The following BAZ2B variants were observed in gnomAD, a reference collection of about 807,000 sequenced individuals.
BAZ2B encodes the protein bromodomain adjacent to zinc finger domain protein 2B.
A neutral mutation model predicts 246.0 loss-of-function variants in BAZ2B; 91 were observed. The ratio of observed to expected loss-of-function variants is 0.37; its 90% CI spans 0.31 to 0.44. The LOEUF (loss-of-function observed/expected upper bound fraction) is 0.44. Ranked by LOEUF, BAZ2B falls within the 20% of genes least tolerant of loss-of-function variation. The pLI is 1.00. For missense variants in BAZ2B, 2,332 were observed against 2,533.7 expected (o/e 0.92, Z 1.71); for synonymous variants, 855 against 860.0 (o/e 0.99, Z 0.10).
chr2:159,626,210 A>G, the BAZ2B span, among the ~76,000 whole-genome samples: 4 of 152,052 alleles, frequency 2.6e-5, no homozygotes, highest in African/African-American at 9.7e-5. Flanking sequence ...AGAGACTTAG[A>G]CTCCCACATA....
intron 4 of BAZ2B, among the ~76,000 whole-genome samples, chr2:159,453,377 A>C (rs2075335251): frequency 6.6e-6 from 1 of 152,206 alleles, no homozygotes; most frequent in East Asian, 1.9e-4. Flanking sequence ...CTCTCCTGTG[A>C]CAGACACCTA....
At chr2:159,495,256 C>T (rs1018728965) in intron 2 of BAZ2B, among the ~76,000 whole-genome samples, 1 of 151,364 alleles carries the variant, frequency 6.6e-6, no homozygotes, top group African/African-American at 2.4e-5. Context: ...GAGGCCGAGG[C>T]GGGCGGATCA....
intron 27 of BAZ2B, among the ~76,000 whole-genome samples, chr2:159,356,294 T>G (rs1194456652): frequency 1.3e-5 from 2 of 152,148 alleles, no homozygotes; most frequent in Non-Finnish European, 2.9e-5. Context: ...ATGCTTGAGC[T>G]TGGGTGTGGG....
downstream of BAZ2B, among the ~76,000 whole-genome samples, chr2:159,317,737 CAG>C (rs201079792): frequency 7.8e-3 from 1,191 of 151,862 alleles, 23 homozygotes; most frequent in African/African-American, 0.027. Flanking sequence ...TATGTGACAG[CAG>C]AGAGAGTTAG....
Position 159,433,044 on chromosome 2 carries a change from C to G in BAZ2B, c.1613G>C (p.Ser538Thr), listed in dbSNP as rs779131499. Residue 538 changes from serine to threonine, a missense_variant, in exon 9 of 37, where the codon AGT becomes ACT. Ser to Thr is a moderately conservative substitution (Grantham distance 58). Coordinates refer to ENST00000392783, the MANE Select transcript of BAZ2B (RefSeq NM_013450.4). ...STPFSSPVNL[S>T]TSGRRTPGNQ... Reference sequence around the variant, plus strand: ...GCCAGGGGTTCTTCTCCCACTTGTACTCAGATTTACAGGTGAGGAAAAAGG... The same window carrying G: ...GCCAGGGGTTCTTCTCCCACTTGTAGTCAGATTTACAGGTGAGGAAAAAGG... 5 of 1,614,074 alleles carry G rather than the reference C, an allele frequency of 3.1e-6. No homozygotes were observed. Among genetic ancestry groups the G allele is most frequent in the Non-Finnish European group, 4.2e-6 (5 of 1,180,042 alleles).
intron 3 of BAZ2B, chr2:159,460,091 G>T (rs1249000267): frequency 6.6e-6 from 1 of 151,902 alleles, no homozygotes; most frequent in East Asian, 1.9e-4. Context: ...AAATTACAAT[G>T]AGCTGAATAT....
chr2:159,514,806 A>C (rs2151209158), intron 2 of BAZ2B, among the ~76,000 whole-genome samples: 1 of 152,298 alleles, frequency 6.6e-6, no homozygotes, highest in Non-Finnish European at 1.5e-5. Flanking sequence ...GTTTGCATAT[A>C]GTAAGTATTC....
chr2:159,700,802 G>A, the BAZ2B span, among the ~76,000 whole-genome samples: 1 of 151,906 alleles, frequency 6.6e-6, no homozygotes, highest in Non-Finnish European at 1.5e-5. Flanking sequence ...TATGTGGTTG[G>A]TTGAATCCAA....
At chr2:159,371,494 CT>C (rs1186052030) in intron 27 of BAZ2B, among the ~76,000 whole-genome samples, 1 of 152,212 alleles carries the variant, frequency 6.6e-6, no homozygotes, top group African/African-American at 2.4e-5. Context: ...CTAATTTCCA[CT>C]TTCCTACATT....
chr2:159,411,378 G>T lies in BAZ2B; in HGVS notation c.2677+957C>A, dbSNP rs77139566. On this transcript the variant is annotated intron_variant, in intron 14 of 36. Transcript: ENST00000392783. ...TAATAAAAAACAAAGCAGCAACAGA[G>T]AAGTCTATATTATGATGGTGTTTAC... Among the ~76,000 whole-genome samples the T allele has an allele frequency of 8.5e-4, 130 of 152,208 alleles. 1 individual carries two copies. In the East Asian group the frequency reaches 0.023, roughly 27 times the overall value.
chr2:159,480,180 C>T (rs1452577892), intron 2 of BAZ2B, among the ~76,000 whole-genome samples: 1 of 151,874 alleles, frequency 6.6e-6, no homozygotes, highest in African/African-American at 2.4e-5. Flanking sequence ...TAGGAAAAAG[C>T]TATTTTTTCT....
chr2:159,642,060 A>G, the BAZ2B span, among the ~76,000 whole-genome samples: 1 of 152,076 alleles, frequency 6.6e-6, no homozygotes, highest in African/African-American at 2.4e-5. Flanking sequence ...TTTTCTGCTC[A>G]AGTTCTATTA....
chr2:159,646,159 G>T, the BAZ2B span, among the ~76,000 whole-genome samples: 1 of 152,256 alleles, frequency 6.6e-6, no homozygotes, highest in South Asian at 2.1e-4. Flanking sequence ...ACCCAAGGGG[G>T]CCATTTTAGA....
At chr2:159,396,554 T>C (rs1559251983) in intron 19 of BAZ2B, 4 of 152,230 alleles carry the variant, frequency 2.6e-5, no homozygotes, top group Non-Finnish European at 5.9e-5. Context: ...CTAGTTTAAT[T>C]TGACATTCTC....
chr2:159,687,624 A>G, the BAZ2B span, among the ~76,000 whole-genome samples: 1 of 152,246 alleles, frequency 6.6e-6, no homozygotes, highest in Non-Finnish European at 1.5e-5. Flanking sequence ...ATGCCTCTTT[A>G]TCTATTTGCG....
intron 2 of BAZ2B, among the ~76,000 whole-genome samples, chr2:159,514,469 T>C (rs1286682249): frequency 3.3e-5 from 5 of 152,162 alleles, no homozygotes; most frequent in Non-Finnish European, 2.9e-5. Context: ...TTGCCTGTAA[T>C]TCCTTAAAGT....
chr2:159,543,022 C>T (rs778594951), intron 2 of BAZ2B, among the ~76,000 whole-genome samples: 30 of 152,238 alleles, frequency 2.0e-4, no homozygotes, highest in Admixed American at 1.2e-3. Flanking sequence ...TCAGTTTTCC[C>T]ACCTGTAAAG....
the BAZ2B span, among the ~76,000 whole-genome samples, chr2:159,626,353 C>A: frequency 6.6e-6 from 1 of 152,082 alleles, no homozygotes; most frequent in African/African-American, 2.4e-5. Context: ...AACTCTCCAC[C>A]CCAAATCAAC....
At chr2:159,419,453 G>A (rs2068342281) in intron 13 of BAZ2B, among the ~76,000 whole-genome samples, 1 of 152,158 alleles carries the variant, frequency 6.6e-6, no homozygotes. Flanking sequence ...AGTGCCAGAG[G>A]TAGGCAGTGA....
Sources: gnomAD v4.1 joint callset for allele counts (sites outside exome capture counted in the v4.1 genomes callset) on GRCh38, gnomAD v4.1.1 for gene constraint, MANE v1.5 for transcripts, NCBI Gene and HGNC (gene_info 2026-07-23, HGNC 2026-07-21) for gene names.